The following PCDH15 variants were observed in gnomAD, a reference collection of about 807,000 sequenced individuals.
The protein encoded by PCDH15 is protocadherin related 15, also known as protocadherin-15.
A neutral mutation model predicts 178.5 loss-of-function variants in PCDH15; 129 were observed. That is an observed-to-expected ratio of 0.72 (90% confidence interval 0.63 to 0.84). PCDH15 has a LOEUF of 0.84. PCDH15 is among the 40% of genes least tolerant of loss of function. The pLI, the probability that PCDH15 is intolerant of heterozygous loss-of-function variation, is 0.00. For missense variants in PCDH15, 2,230 were observed against 2,099.9 expected (o/e 1.06, Z -1.21); for synonymous variants, 800 against 732.0 (o/e 1.09, Z -1.50).
At chr10:54,928,754 T>C (rs1837691744) in intron 2 of PCDH15, among the ~76,000 whole-genome samples, 1 of 152,170 alleles carries the variant, frequency 6.6e-6, no homozygotes, top group African/African-American at 2.4e-5. Flanking sequence ...AAAATTCTTG[T>C]AGTGTGTTTT....
intron 3 of PCDH15, among the ~76,000 whole-genome samples, chr10:54,396,614 T>A (rs189368812): frequency 0.017 from 2,598 of 152,200 alleles, 74 homozygotes; most frequent in African/African-American, 0.057. Context: ...TTAATTATAA[T>A]CCTTAAAAAT....
At chr10:54,497,062 G>A (rs893631736) in intron 3 of PCDH15, among the ~76,000 whole-genome samples, 2 of 151,960 alleles carry the variant, frequency 1.3e-5, no homozygotes, top group Non-Finnish European at 2.9e-5. Flanking sequence ...AGTGGACTTG[G>A]AATATCTTGG....
intron 3 of PCDH15, among the ~76,000 whole-genome samples, chr10:54,879,571 T>C (rs1433853740): frequency 1.3e-5 from 2 of 151,858 alleles, no homozygotes; most frequent in African/African-American, 4.8e-5. Context: ...ATGATGTTAT[T>C]GGAGTAGAGA....
intron 2 of PCDH15, among the ~76,000 whole-genome samples, chr10:55,582,615 TATATATATATATA>T (rs1564465604): frequency 1.9e-4 from 18 of 96,606 alleles, no homozygotes; most frequent in Middle Eastern, 5.3e-3. Flanking sequence ...TATATATATA[TATATATATATATA>T]TTTTTTTTTT....
intron 2 of PCDH15, among the ~76,000 whole-genome samples, chr10:54,983,657 A>C (rs1839295831): frequency 6.6e-6 from 1 of 152,160 alleles, no homozygotes; most frequent in African/African-American, 2.4e-5. Context: ...TAACCTTAGC[A>C]GTTCATGTTA....
intron 2 of PCDH15, among the ~76,000 whole-genome samples, chr10:55,019,942 C>CCT (rs1554823429): frequency 1.3e-5 from 2 of 151,168 alleles, no homozygotes; most frequent in African/African-American, 4.9e-5. Flanking sequence ...AAAAGAAACT[C>CCT]TACTACTCTT....
Position 54,450,485 on chromosome 10 carries a change from C to T in PCDH15, c.158-71543G>A, listed in dbSNP as rs75671716. On this transcript the variant is annotated intron_variant, in intron 3 of 37. Transcript: ENST00000644397. ...TAGCTCAACTTTTTATTTTGCCCCA[C>T]ATATCTTCTTACGGCTTCTTGGTTT... Among the ~76,000 whole-genome samples the T allele has an allele frequency of 8.2e-3, 1,248 of 151,720 alleles. 14 individuals carry two copies. The highest frequency in any genetic ancestry group is 0.029 in the African/African-American group (1,182 of 41,446).
intron 2 of PCDH15, among the ~76,000 whole-genome samples, chr10:55,422,326 A>G (rs1838642166): frequency 6.6e-6 from 1 of 151,892 alleles, no homozygotes; most frequent in Admixed American, 6.6e-5. Context: ...ATCCTTATAA[A>G]ATGAAGAGGA....
rs1565777648 is a variant in PCDH15, at chr10:54,622,691, ATATATATTTTCTATATAT to A, written c.91+41463_91+41480del. 8.4e-4 allele frequency among the ~76,000 whole-genome samples: 67 copies of A among 79,944 alleles called. 2 individuals are homozygous for A. Among genetic ancestry groups the A allele is most frequent in the African/African-American group, 3.8e-3 (67 of 17,814 alleles). 52.4% of individuals were successfully genotyped at this position (79,944 alleles called of 152,430 possible). On this transcript the variant is annotated intron_variant, in intron 2 of 37. Transcript: ENST00000644397. The stretch of plus-strand genomic sequence containing the variant: ...TATTATATATAATATATATTATATA[ATATATATTTTCTATATAT>A]TATATATAATATATATTATATAATT...
intron 2 of PCDH15, among the ~76,000 whole-genome samples, chr10:55,121,365 G>GA (rs1008820049): frequency 4.0e-5 from 6 of 149,416 alleles, no homozygotes; most frequent in African/African-American, 1.5e-4. Flanking sequence ...AGCTGGGGGG[G>GA]GGCAATTTGC....
chr10:54,106,845 T>G (rs1311585017), intron 15 of PCDH15, among the ~76,000 whole-genome samples: 2 of 152,188 alleles, frequency 1.3e-5, no homozygotes, highest in Non-Finnish European at 2.9e-5. Context: ...AAAATACATG[T>G]TATATAGCTT....
chr10:53,925,906 A>C (rs2084504545), intron 25 of PCDH15, among the ~76,000 whole-genome samples: 1 of 152,226 alleles, frequency 6.6e-6, no homozygotes. Flanking sequence ...GACGCTTGGC[A>C]TAACAATTCC....
At chr10:55,414,186 A>G (rs1838418138) in intron 2 of PCDH15, among the ~76,000 whole-genome samples, 1 of 151,506 alleles carries the variant, frequency 6.6e-6, no homozygotes, top group South Asian at 2.1e-4. Flanking sequence ...GTGCCTTTGT[A>G]TTTAAGTATG....
intron 23 of PCDH15, among the ~76,000 whole-genome samples, chr10:53,941,496 T>A (rs190987476): frequency 6.6e-6 from 1 of 152,176 alleles, no homozygotes. Context: ...TATGGCTTGA[T>A]TGCTTATTTC....
At chr10:55,039,526 T>A (rs1050134381) in intron 2 of PCDH15, among the ~76,000 whole-genome samples, 1 of 152,120 alleles carries the variant, frequency 6.6e-6, no homozygotes, top group African/African-American at 2.4e-5. Flanking sequence ...GGAACAGAGA[T>A]GCTGATAATT....
chr10:54,837,008 T>G (rs1208836956), intron 3 of PCDH15, among the ~76,000 whole-genome samples: 1 of 152,080 alleles, frequency 6.6e-6, no homozygotes, highest in Non-Finnish European at 1.5e-5. Flanking sequence ...AAACGAAGAA[T>G]ATTTTTGGGA....
At chr10:54,339,090 C>G (rs1347652508) in intron 6 of PCDH15, among the ~76,000 whole-genome samples, 2 of 152,172 alleles carry the variant, frequency 1.3e-5, no homozygotes, top group Non-Finnish European at 2.9e-5. Flanking sequence ...GCTTGTCTAA[C>G]CCATAGCCCA....
chr10:54,453,761 G>A (rs1242161071), intron 3 of PCDH15, among the ~76,000 whole-genome samples: 3 of 151,912 alleles, frequency 2.0e-5, no homozygotes, highest in Non-Finnish European at 4.4e-5. Flanking sequence ...GAAGAAAGCA[G>A]CTACAAACCA....
intron 2 of PCDH15, among the ~76,000 whole-genome samples, chr10:54,953,781 T>C (rs1048027752): frequency 6.6e-6 from 1 of 151,318 alleles, no homozygotes; most frequent in African/African-American, 2.4e-5. Context: ...CCAATGCTTA[T>C]AAGATATTAA....
Sources: allele counts gnomAD v4.1 joint callset (sites outside exome capture counted in the v4.1 genomes callset), GRCh38; gene constraint gnomAD v4.1.1; transcripts MANE v1.5; gene names NCBI Gene and HGNC (gene_info 2026-07-23, HGNC 2026-07-21).